ATP11B: variants seen among roughly 807,000 people sequenced by gnomAD.
ATP11B encodes the protein ATPase phospholipid transporting 11B (putative), also known as phospholipid-transporting ATPase IF.
In ATP11B, 81 loss-of-function variants were observed where a neutral mutation model predicts 157.8. The ratio of observed to expected loss-of-function variants is 0.51; its 90% CI spans 0.43 to 0.62. The LOEUF (loss-of-function observed/expected upper bound fraction) is 0.62. Among genes scored for constraint, ATP11B ranks in the 20% least tolerant of loss-of-function variants. The pLI is 0.00. For synonymous variants in ATP11B, 451 were observed against 469.4 expected (o/e 0.96, Z 0.51); for missense variants, 1,165 against 1,402.2 (o/e 0.83, Z 2.70).
chr3:182,806,288 T>C (rs1299814536), intron 1 of ATP11B, among the ~76,000 whole-genome samples: 1 of 152,212 alleles, frequency 6.6e-6, no homozygotes, highest in Non-Finnish European at 1.5e-5. Flanking sequence ...ATTTTTAAGA[T>C]TATCTTTGTC....
At chr3:182,847,050 C>CTTTTTT (rs201462644) in intron 9 of ATP11B, among the ~76,000 whole-genome samples, 2 of 132,718 alleles carry the variant, frequency 1.5e-5, no homozygotes, top group African/African-American at 5.6e-5. Context: ...TACTTTAAAA[C>CTTTTTT]TTTTTTTTTT....
At chr3:182,909,983 G>A (rs1724655480) in intron 28 of ATP11B, among the ~76,000 whole-genome samples, 1 of 145,804 alleles carries the variant, frequency 6.9e-6, no homozygotes, top group Non-Finnish European at 1.5e-5. Flanking sequence ...AGAATTGCTT[G>A]AACCCAGGAG....
At chr3:182,851,907 A>G (rs1354812876) in intron 10 of ATP11B, among the ~76,000 whole-genome samples, 1 of 152,216 alleles carries the variant, frequency 6.6e-6, no homozygotes, top group Non-Finnish European at 1.5e-5. Context: ...GAAGAAATAC[A>G]GTTTACATAC....
At chr3:182,849,435 G>A (rs1719793746) in intron 10 of ATP11B, among the ~76,000 whole-genome samples, 1 of 152,102 alleles carries the variant, frequency 6.6e-6, no homozygotes, top group South Asian at 2.1e-4. Flanking sequence ...AAGATAAAAA[G>A]CACTCAATAG....
intron 25 of ATP11B, among the ~76,000 whole-genome samples, chr3:182,893,256 A>G (rs1192223269): frequency 1.3e-5 from 2 of 151,986 alleles, no homozygotes; most frequent in African/African-American, 4.8e-5. Flanking sequence ...TACATGAATA[A>G]GTTCTTCAGT....
At chr3:182,864,558 A>T (rs959960630) in intron 12 of ATP11B, among the ~76,000 whole-genome samples, 13 of 152,186 alleles carry the variant, frequency 8.5e-5, no homozygotes, top group South Asian at 8.3e-4. Flanking sequence ...AATATGATGG[A>T]TTACATTAAT....
intron 8 of ATP11B, chr3:182,844,670 C>T: frequency 2.5e-6 from 1 of 399,316 alleles, no homozygotes; most frequent in Non-Finnish European, 3.4e-6. Context: ...TTTTATAATT[C>T]AGTATAATTG....
At chr3:182,824,275 T>G (rs1360882606) in intron 2 of ATP11B, among the ~76,000 whole-genome samples, 1 of 151,832 alleles carries the variant, frequency 6.6e-6, no homozygotes, top group Non-Finnish European at 1.5e-5. Context: ...GTATTTTCCC[T>G]TTACATTTCC....
intron 29 of ATP11B, 187 bp downstream of exon 29, chr3:182,914,181 C>T (rs1724992540): frequency 7.1e-7 from 1 of 1,402,474 alleles, no homozygotes; most frequent in Non-Finnish European, 9.2e-7. Flanking sequence ...GGCTTTTTCA[C>T]TCACAAAGGA....
chr3:182,814,758 T>G lies in ATP11B; in HGVS notation c.28-5502T>G, dbSNP rs551453365. On this transcript the variant is annotated intron_variant, in intron 1 of 29. Transcript: ENST00000323116. ...GGGAAGTCAAGAGTGCAGTGAGCCGTGAATACACCACTGCACTCAAGCCTG... is the reference window on the plus strand; with the variant it reads ...GGGAAGTCAAGAGTGCAGTGAGCCGGGAATACACCACTGCACTCAAGCCTG... Among the ~76,000 whole-genome samples, 6 of 152,246 alleles carry G rather than the reference T, an allele frequency of 3.9e-5. No individual in the cohort carries two copies. The South Asian group carries it at 1.0e-3, about 26-fold the overall frequency.
At chr3:182,805,416 G>A (rs1716265089) in intron 1 of ATP11B, among the ~76,000 whole-genome samples, 1 of 149,686 alleles carries the variant, frequency 6.7e-6, no homozygotes, top group Non-Finnish European at 1.5e-5. Context: ...GGCCATTTGT[G>A]TATCATTTTT....
chr3:182,888,882 TGAGA>T (rs1389663870), intron 24 of ATP11B, among the ~76,000 whole-genome samples: 1 of 146,010 alleles, frequency 6.8e-6, no homozygotes, highest in Non-Finnish European at 1.5e-5. Context: ...TTTTTCCTTT[TGAGA>T]GAGAGTCTCA....
At chr3:182,854,696 CAT>C (rs1399441601) in intron 10 of ATP11B, among the ~76,000 whole-genome samples, 4 of 151,466 alleles carry the variant, frequency 2.6e-5, no homozygotes, top group African/African-American at 9.7e-5. Flanking sequence ...ATTTGCAAAA[CAT>C]GTATCTGACC....
chr3:182,912,904 G>GT (rs149256195), intron 28 of ATP11B, among the ~76,000 whole-genome samples: 2,020 of 149,378 alleles, frequency 0.014, 42 homozygotes, highest in African/African-American at 0.045. Flanking sequence ...GAAATAAGGT[G>GT]TTTTTTTTTT....
intron 25 of ATP11B, among the ~76,000 whole-genome samples, chr3:182,895,040 G>A (rs898434933): frequency 4.4e-4 from 66 of 150,896 alleles, no homozygotes; most frequent in Admixed American, 4.6e-4. Flanking sequence ...TTGAGCCCGG[G>A]AGGTGGAGAT....
chr3:182,810,463 C>A (rs1426072609), intron 1 of ATP11B, among the ~76,000 whole-genome samples: 1 of 151,260 alleles, frequency 6.6e-6, no homozygotes, highest in Non-Finnish European at 1.5e-5. Flanking sequence ...TTTCTCTTTA[C>A]CCTGCGTAGA....
Position 182,920,370 on chromosome 3 carries a change from TTTCTA to T in ATP11B, c.*2269_*2273del, listed in dbSNP as rs1167388479. 2.6e-5 allele frequency: 4 copies of T among 152,206 alleles called. No individual in the cohort carries two copies. Among genetic ancestry groups the T allele is most frequent in the African/African-American group, 9.7e-5 (4 of 41,442 alleles). 9.4% of individuals were successfully genotyped at this position (152,206 alleles called of 1,614,324 possible). A position where few individuals can be genotyped will look rare whatever the true frequency, so the allele number is the denominator to read the frequency against. ...TATCTTGTGATTTTAAGAAAAGAGT[TTTCTA>T]TTTATTTAAGAAAGTAACAATGCAG... On this transcript the variant is annotated 3_prime_UTR_variant, in exon 30 of 30. Transcript: ENST00000323116.
rs62294816 is a variant in ATP11B at position 182,836,260 on chromosome 3, G to T, written c.424-82G>T. ...TTTCCTATGCTAAAATACTGTGATAGGCTGCTTCTTTAGAGCCCAATAAAA... is the reference window on the plus strand; with the variant it reads ...TTTCCTATGCTAAAATACTGTGATATGCTGCTTCTTTAGAGCCCAATAAAA... On this transcript the variant is annotated intron_variant, in intron 5 of 29. Coordinates refer to ENST00000323116, the MANE Select transcript of ATP11B (RefSeq NM_014616.3). The T allele has an allele frequency of 2.7e-3, 4,281 of 1,581,650 alleles. 18 individuals are homozygous for T. Among genetic ancestry groups the T allele is most frequent in the South Asian group, 3.5e-3 (312 of 88,856 alleles).
chr3:182,908,560 TGGAA>T (rs1724552244), intron 28 of ATP11B: 1 of 152,168 alleles, frequency 6.6e-6, no homozygotes, highest in Non-Finnish European at 1.5e-5. Context: ...AAAGACAGTA[TGGAA>T]GTATTTTATA....
Sources: gnomAD v4.1 joint callset for allele counts (sites outside exome capture counted in the v4.1 genomes callset) on GRCh38, gnomAD v4.1.1 for gene constraint, MANE v1.5 for transcripts, NCBI Gene and HGNC (gene_info 2026-07-23, HGNC 2026-07-21) for gene names.